Variants in CTNNA2 observed in about 807,000 individuals in gnomAD.
CTNNA2 encodes the protein catenin alpha-2.
CTNNA2 carries 42 observed loss-of-function variants against 101.0 expected under a neutral mutation model. The observed-to-expected ratio is 0.42, with a 90% CI of 0.32 to 0.54. The LOEUF is 0.54. Ranked by LOEUF, CTNNA2 falls within the 20% of genes least tolerant of loss-of-function variation. The pLI, the probability that CTNNA2 is intolerant of heterozygous loss-of-function variation, is 0.14. For synonymous variants in CTNNA2, 450 were observed against 456.4 expected, an observed-to-expected ratio of 0.99 and a Z score of 0.18; for missense variants, 871 against 1,223.1, an observed-to-expected ratio of 0.71 and a Z score of 4.29.
At chr2:79,292,571 T>C (rs926301350) in intron 2 of CTNNA2, among the ~76,000 whole-genome samples, 4 of 152,150 alleles carry the variant, frequency 2.6e-5, no homozygotes, top group African/African-American at 9.7e-5. Flanking sequence ...AGTTTGTCTT[T>C]AGAAGCAGGG....
Position 79,901,450 on chromosome 2 carries a change from A to T in CTNNA2, c.853-8144A>T, listed in dbSNP as rs780973520. ...TCTTACAGAATTGTCACAATCAACA[A>T]AGAAAATCACAGAATCACAGGACTT... is the stretch of plus-strand genomic sequence containing the variant. On this transcript the variant is annotated intron_variant, in intron 6 of 18. Coordinates refer to ENST00000402739, the MANE Select transcript of CTNNA2 (RefSeq NM_001282597.3). Among the ~76,000 whole-genome samples, 11 of 152,164 alleles carry T rather than the reference A, an allele frequency of 7.2e-5. 1 individual carries two copies. Among genetic ancestry groups the T allele is most frequent in the Admixed American group, 1.3e-4 (2 of 15,280 alleles).
At chr2:79,424,045 A>G (rs1678567472) in intron 4 of CTNNA2, among the ~76,000 whole-genome samples, 1 of 152,050 alleles carries the variant, frequency 6.6e-6, no homozygotes, top group African/African-American at 2.4e-5. Context: ...TTGTTTCTCT[A>G]GCTTGTTAGA....
At chr2:80,012,001 C>T (rs898835317) in intron 7 of CTNNA2, among the ~76,000 whole-genome samples, 4 of 152,088 alleles carry the variant, frequency 2.6e-5, no homozygotes, top group Non-Finnish European at 5.9e-5. Flanking sequence ...ATTACTGGGG[C>T]GATAACTTGA....
intron 8 of CTNNA2, among the ~76,000 whole-genome samples, chr2:80,407,907 G>C (rs1679208747): frequency 6.6e-6 from 1 of 152,226 alleles, no homozygotes. Flanking sequence ...GTAGCTCAGA[G>C]GTACACCGTT....
In CTNNA2 at chr2:79,331,364, A is replaced by G. The variant is rs114668834; in HGVS notation, c.-318+18568A>G. On this transcript the variant is annotated intron_variant, in intron 3 of 21. Transcript: ENST00000466387. ...AAACCTGAATGAGACAGAAAGGTCA[A>G]CTTAGGTCCTGGTCCCCTCCCTTCA... 1.7e-3 allele frequency among the ~76,000 whole-genome samples: 256 copies of G among 152,290 alleles called. 1 individual carries two copies. Among genetic ancestry groups the G allele is most frequent in the African/African-American group, 5.7e-3 (236 of 41,562 alleles).
intron 7 of CTNNA2, among the ~76,000 whole-genome samples, chr2:80,043,593 C>T (rs1341705721): frequency 1.3e-5 from 2 of 152,158 alleles, no homozygotes; most frequent in Non-Finnish European, 2.9e-5. Flanking sequence ...CTCTCACAGG[C>T]AATGGAGTTG....
chr2:80,313,287 T>A (rs1677777018), intron 7 of CTNNA2: 1 of 869,626 alleles, frequency 1.1e-6, no homozygotes, highest in Non-Finnish European at 1.5e-6. Flanking sequence ...ACAAGAATCT[T>A]GAAAATGCCT....
At chr2:79,464,009 G>T (rs1670906073) in intron 4 of CTNNA2, among the ~76,000 whole-genome samples, 1 of 151,056 alleles carries the variant, frequency 6.6e-6, no homozygotes, top group African/African-American at 2.4e-5. Context: ...AATACTCTAA[G>T]TTCTAGGGTA....
intron 7 of CTNNA2, among the ~76,000 whole-genome samples, chr2:80,274,045 A>G (rs1328072491): frequency 2.6e-5 from 4 of 152,214 alleles, no homozygotes; most frequent in Non-Finnish European, 1.5e-5. Context: ...CATCAGCAAC[A>G]GTTTTTAAAC....
At chr2:79,195,718 C>T (rs1035493523) in intron 1 of CTNNA2, 4 of 433,268 alleles carry the variant, frequency 9.2e-6, no homozygotes, top group African/African-American at 6.1e-5. Flanking sequence ...GACACACATA[C>T]CTGAGTGAGA....
intron 3 of CTNNA2, among the ~76,000 whole-genome samples, chr2:79,752,739 G>A (rs1285700918): frequency 1.3e-5 from 2 of 152,194 alleles, no homozygotes; most frequent in Admixed American, 1.3e-4. Context: ...AGAATGGAAG[G>A]AGAGAAATGG....
chr2:80,601,588 C>A (rs1458453178), intron 15 of CTNNA2: 6 of 151,512 alleles, frequency 4.0e-5, no homozygotes, highest in African/African-American at 1.5e-4. Flanking sequence ...TTTGAGAAAG[C>A]AGCTTTGTGA....
chr2:79,952,290 A>G (rs1688938459), intron 7 of CTNNA2, among the ~76,000 whole-genome samples: 1 of 152,058 alleles, frequency 6.6e-6, no homozygotes. Context: ...GCCACCCCAC[A>G]CCGTGCCAGT....
intron 3 of CTNNA2, among the ~76,000 whole-genome samples, chr2:79,827,689 A>G (rs928217723): frequency 6.6e-6 from 1 of 152,224 alleles, no homozygotes; most frequent in African/African-American, 2.4e-5. Context: ...AGGAATATGT[A>G]TCATTATATG....
At chr2:79,882,411 GTTAT>G (rs1683505668) in intron 6 of CTNNA2, among the ~76,000 whole-genome samples, 1 of 152,214 alleles carries the variant, frequency 6.6e-6, no homozygotes, top group Admixed American at 6.5e-5. Context: ...TCTGGCTGGA[GTTAT>G]TAGAGTTGCT....
At chr2:80,075,813 T>A (rs1206687550) in intron 7 of CTNNA2, among the ~76,000 whole-genome samples, 1 of 144,832 alleles carries the variant, frequency 6.9e-6, no homozygotes, top group Non-Finnish European at 1.5e-5. Context: ...ATTATAAAAA[T>A]AATATTTATA....
In CTNNA2 at chr2:80,164,939, G is replaced by GTT. The variant is rs774573996; in HGVS notation, c.1057-228255_1057-228254dup. On this transcript the variant is annotated intron_variant, in intron 7 of 18. Transcript: ENST00000402739. Reference sequence around the variant, plus strand: ...TTTGAACAGCTTTTCCCAACTTTTGGTTTTTTTTTTTTTTTTTTCTAGATA... The same window carrying GTT: ...TTTGAACAGCTTTTCCCAACTTTTGGTTTTTTTTTTTTTTTTTTTTCTAGATA... Among the ~76,000 whole-genome samples the GTT allele has an allele frequency of 5.3e-3, 527 of 99,174 alleles. 2 individuals carry two copies. Among genetic ancestry groups the GTT allele is most frequent in the African/African-American group, 0.022 (478 of 21,328 alleles). 65.1% of individuals were successfully genotyped at this position (99,174 alleles called of 152,430 possible). A position where few individuals can be genotyped will look rare whatever the true frequency, so the allele number is the denominator to read the frequency against.
chr2:80,094,683 G>A (rs1396687286), intron 7 of CTNNA2, among the ~76,000 whole-genome samples: 1 of 152,036 alleles, frequency 6.6e-6, no homozygotes, highest in Non-Finnish European at 1.5e-5. Context: ...TTATTTCATT[G>A]AGCAGTGGTT....
intron 8 of CTNNA2, among the ~76,000 whole-genome samples, chr2:80,413,938 G>A (rs1449068448): frequency 2.0e-5 from 3 of 152,190 alleles, no homozygotes; most frequent in East Asian, 3.9e-4. Context: ...CAAGATTTTT[G>A]TACACATTTA....
Sources: allele counts gnomAD v4.1 joint callset (sites outside exome capture counted in the v4.1 genomes callset), GRCh38; gene constraint gnomAD v4.1.1; transcripts MANE v1.5; gene names NCBI Gene and HGNC (gene_info 2026-07-23, HGNC 2026-07-21).